The following KCTD8 variants were observed in gnomAD, a reference collection of about 807,000 sequenced individuals.
KCTD8 encodes the protein potassium channel tetramerization domain containing 8.
A neutral mutation model predicts 31.5 loss-of-function variants in KCTD8; 27 were observed. That is an observed-to-expected ratio of 0.86 (90% CI 0.63 to 1.18). The LOEUF (loss-of-function observed/expected upper bound fraction) is 1.18, where lower values mean the gene tolerates loss of function less well. Among genes scored for constraint, KCTD8 ranks in the 50% most tolerant of loss-of-function variants. The probability of loss-of-function intolerance (pLI) is 0.00; values close to 1 mark genes in which losing one functional copy is unlikely to be tolerated. For synonymous variants in KCTD8, 290 were observed against 280.0 expected, an observed-to-expected ratio of 1.04 and a Z score of -0.36; for missense variants, 658 against 647.7, an observed-to-expected ratio of 1.02 and a Z score of -0.17.
chr4:44,293,680 A>G, intron 1 of KCTD8: 1 of 371,742 alleles, frequency 2.7e-6, no homozygotes, highest in Non-Finnish European at 5.2e-6. Flanking sequence ...TTGTATGATG[A>G]CATGAGGGAA....
chr4:44,293,525 A>G, intron 1 of KCTD8: 1 of 431,640 alleles, frequency 2.3e-6, no homozygotes, highest in Non-Finnish European at 4.6e-6. Context: ...GAAGCAGCAC[A>G]CAGAGGACAC....
chr4:44,226,161 AGGTATTTGTCCTAATG>A (rs1360071276), intron 1 of KCTD8, among the ~76,000 whole-genome samples: 1 of 151,872 alleles, frequency 6.6e-6, no homozygotes, highest in Non-Finnish European at 1.5e-5. Context: ...CATTTGCATT[AGGTATTTGTCCTAATG>A]CTCTCCCTCC....
At position 44,208,361 on chromosome 4, in the gene KCTD8, CTGAGAGT is replaced by C. The variant is rs1395124183; in HGVS notation, c.962-33118_962-33112del. ...ACCAACTAGCAGGGAAAGTAATTAC[CTGAGAGT>C]ACAGCCACAGGGATCTTCAGAGAAT... On this transcript the variant is annotated intron_variant, in intron 1 of 1. Coordinates refer to ENST00000360029, the MANE Select transcript of KCTD8 (RefSeq NM_198353.3). Among the ~76,000 whole-genome samples, 4 of 152,228 alleles carry C rather than the reference CTGAGAGT, an allele frequency of 2.6e-5. No homozygotes were observed. In the East Asian group the frequency reaches 7.7e-4, roughly 29 times the overall value.
chr4:44,182,311 G>A (rs1235310372), intron 1 of KCTD8, among the ~76,000 whole-genome samples: 3 of 152,216 alleles, frequency 2.0e-5, no homozygotes, highest in Non-Finnish European at 2.9e-5. Context: ...CATTGAGAAC[G>A]GGCCATGATG....
intron 1 of KCTD8, among the ~76,000 whole-genome samples, chr4:44,240,691 T>C (rs1011309286): frequency 1.5e-4 from 23 of 152,148 alleles, no homozygotes; most frequent in African/African-American, 5.3e-4. Flanking sequence ...AATCAAGGGC[T>C]GTGACAGGAA....
intron 1 of KCTD8, among the ~76,000 whole-genome samples, chr4:44,181,436 C>G (rs773744152): frequency 6.6e-6 from 1 of 152,138 alleles, no homozygotes; most frequent in Admixed American, 6.5e-5. Flanking sequence ...TTGGTGGAGA[C>G]GGGGTTTCGC....
intron 1 of KCTD8, among the ~76,000 whole-genome samples, chr4:44,373,119 C>G (rs900249254): frequency 6.6e-6 from 1 of 152,118 alleles, no homozygotes; most frequent in African/African-American, 2.4e-5. Context: ...ATTCCCAGCA[C>G]TTTGGGAGGC....
At position 44,430,610 on chromosome 4, in the gene KCTD8, C is replaced by T. The variant is rs187091997; in HGVS notation, c.961+16953G>A. On this transcript the variant is annotated intron_variant, in intron 1 of 1. Transcript: ENST00000360029. Reference sequence around the variant, plus strand: ...TCCATCACCAACCTTTTTGTCTCCCCTTGGTGATCCTTCTACCTAGAATGT... The same window carrying T: ...TCCATCACCAACCTTTTTGTCTCCCTTTGGTGATCCTTCTACCTAGAATGT... Among the ~76,000 whole-genome samples, 13 of 151,634 alleles carry T rather than the reference C, an allele frequency of 8.6e-5. No homozygotes were observed. In the South Asian group the frequency reaches 2.5e-3, roughly 29 times the overall value.
intron 1 of KCTD8, among the ~76,000 whole-genome samples, chr4:44,325,114 CTT>C (rs1718409561): frequency 6.6e-6 from 1 of 151,988 alleles, no homozygotes; most frequent in South Asian, 2.1e-4. Flanking sequence ...GGTAAAATAA[CTT>C]TAAATGCAAT....
intron 1 of KCTD8, among the ~76,000 whole-genome samples, chr4:44,191,330 T>C (rs946060221): frequency 6.6e-6 from 1 of 152,174 alleles, no homozygotes; most frequent in Admixed American, 6.5e-5. Flanking sequence ...TTGTAAAACA[T>C]GTGTGTTTGA....
chr4:44,328,238 A>C (rs926093124), intron 1 of KCTD8, among the ~76,000 whole-genome samples: 1 of 152,010 alleles, frequency 6.6e-6, no homozygotes, highest in Non-Finnish European at 1.5e-5. Flanking sequence ...ACAGGCTTTA[A>C]TAAACTTGAA....
chr4:44,365,107 T>G (rs1001833426), intron 1 of KCTD8, among the ~76,000 whole-genome samples: 38 of 152,280 alleles, frequency 2.5e-4, no homozygotes, highest in African/African-American at 9.1e-4. Flanking sequence ...GTTAATCAGT[T>G]GTAACAAATA....
chr4:44,208,188 C>T (rs894852016), intron 1 of KCTD8, among the ~76,000 whole-genome samples: 1 of 152,166 alleles, frequency 6.6e-6, no homozygotes, highest in Admixed American at 6.5e-5. Flanking sequence ...CAATTATCTA[C>T]TATTCTTTTC....
chr4:44,250,462 TG>T (rs1715794378), intron 1 of KCTD8, among the ~76,000 whole-genome samples: 1 of 151,800 alleles, frequency 6.6e-6, no homozygotes, highest in South Asian at 2.1e-4. Context: ...GTATTATTTT[TG>T]TCTCCACTTT....
At chr4:44,253,020 A>T (rs1715888234) in intron 1 of KCTD8, among the ~76,000 whole-genome samples, 1 of 151,538 alleles carries the variant, frequency 6.6e-6, no homozygotes, top group Non-Finnish European at 1.5e-5. Flanking sequence ...AAATTATTCA[A>T]TTTTTTTTCC....
chr4:44,289,051 A>G (rs1400425392), intron 1 of KCTD8, among the ~76,000 whole-genome samples: 2 of 151,558 alleles, frequency 1.3e-5, no homozygotes, highest in African/African-American at 4.8e-5. Context: ...ATTTATCTGC[A>G]TATTTTGAGA....
intron 1 of KCTD8, among the ~76,000 whole-genome samples, chr4:44,394,192 A>G (rs1470652586): frequency 6.6e-6 from 1 of 152,052 alleles, no homozygotes; most frequent in Admixed American, 6.6e-5. Flanking sequence ...AGTGATTGCC[A>G]AAAACATGGC....
chr4:44,291,651 A>G (rs1717277622), intron 1 of KCTD8, among the ~76,000 whole-genome samples: 1 of 152,150 alleles, frequency 6.6e-6, no homozygotes, highest in Admixed American at 6.6e-5. Context: ...AAGAGCTTCT[A>G]TACAGCAAGA....
chr4:44,443,011 C>T (rs770504198), intron 1 of KCTD8, among the ~76,000 whole-genome samples: 3 of 152,154 alleles, frequency 2.0e-5, no homozygotes, highest in Non-Finnish European at 2.9e-5. Flanking sequence ...TGCCATTAAA[C>T]AACAATCGGT....
Sources: allele counts gnomAD v4.1 joint callset (sites outside exome capture counted in the v4.1 genomes callset), GRCh38; gene constraint gnomAD v4.1.1; transcripts MANE v1.5; gene names NCBI Gene and HGNC (gene_info 2026-07-23, HGNC 2026-07-21).